The following ARL3 variants were observed in gnomAD, a reference collection of about 807,000 sequenced individuals.
The protein encoded by ARL3 is ARF like GTPase 3, also known as ADP-ribosylation factor-like protein 3.
A neutral mutation model predicts 26.0 loss-of-function variants in ARL3; 9 were observed. The observed-to-expected ratio is 0.35, with a 90% CI of 0.21 to 0.60. The LOEUF (loss-of-function observed/expected upper bound fraction) is 0.60. Ranked by LOEUF, ARL3 falls within the 20% of genes least tolerant of loss-of-function variation. The pLI, the probability that ARL3 is intolerant of heterozygous loss-of-function variation, is 0.78. For missense variants in ARL3, 158 were observed against 215.7 expected, an observed-to-expected ratio of 0.73 and a Z score of 1.67; for synonymous variants, 71 against 78.4, an observed-to-expected ratio of 0.91 and a Z score of 0.50.
chr10:102,687,473 G>A (rs2064193848), intron 4 of ARL3, among the ~76,000 whole-genome samples: 1 of 151,768 alleles, frequency 6.6e-6, no homozygotes, highest in Admixed American at 6.6e-5. Context: ...GGAGGCTGAG[G>A]TGGGCGGAGT....
intron 3 of ARL3, among the ~76,000 whole-genome samples, chr10:102,696,112 C>T (rs567698526): frequency 7.9e-5 from 12 of 151,450 alleles, no homozygotes; most frequent in African/African-American, 2.4e-4. Context: ...TACAGGCGCC[C>T]GCCACCATGC....
chr10:102,688,736 C>CA (rs2064200919), intron 4 of ARL3, among the ~76,000 whole-genome samples: 4 of 152,124 alleles, frequency 2.6e-5, no homozygotes, highest in African/African-American at 9.7e-5. Context: ...CTCCTGACTG[C>CA]AAGTGATCTG....
At chr10:102,712,992 A>T (rs2064353365) in intron 1 of ARL3, among the ~76,000 whole-genome samples, 1 of 151,872 alleles carries the variant, frequency 6.6e-6, no homozygotes, top group African/African-American at 2.4e-5. Flanking sequence ...TGTAAAATCA[A>T]TTGAGTTTTT....
chr10:102,692,930 T>G (rs1052118300), intron 3 of ARL3, among the ~76,000 whole-genome samples: 1 of 151,964 alleles, frequency 6.6e-6, no homozygotes, highest in Non-Finnish European at 1.5e-5. Context: ...TCTCCTGACC[T>G]CGTGATCTGC....
Position 102,676,771 on chromosome 10 carries a change from C to T in ARL3, c.*123G>A. ...GGATTCTTTCTAAACCGTGTTGTTCCCTCTCTTCAAACAGCTGGAGCTGTA... is the reference window on the plus strand; with the variant it reads ...GGATTCTTTCTAAACCGTGTTGTTCTCTCTCTTCAAACAGCTGGAGCTGTA... On this transcript the variant is annotated 3_prime_UTR_variant, in exon 6 of 6. Coordinates refer to ENST00000260746, the MANE Select transcript of ARL3 (RefSeq NM_004311.4). 2.0e-6 allele frequency: 2 copies of T among 978,166 alleles called. No individual in the cohort carries two copies. The highest frequency in any genetic ancestry group is 3.2e-6 in the Non-Finnish European group (2 of 634,270). 60.6% of individuals were successfully genotyped at this position (978,166 alleles called of 1,614,324 possible). A position where few individuals can be genotyped will look rare whatever the true frequency, so the allele number is the denominator to read the frequency against.
Position 102,714,271 on chromosome 10 carries a change from A to G in ARL3, c.3+2T>C, listed in dbSNP as rs1175806511. ...CAAGGGGGCCCAGGCCCCCACACTC[A>G]CCATCCTCCCGCCGAGTCCCTCCTC... On this transcript the variant is annotated splice_donor_variant, in intron 1 of 5. Transcript: ENST00000260746. LOFTEE classifies it high-confidence loss of function. 1 of 1,310,490 alleles carries G rather than the reference A, an allele frequency of 7.6e-7. No individual in the cohort carries two copies. 81.2% of individuals were successfully genotyped at this position (1,310,490 alleles called of 1,614,324 possible).
At chr10:102,682,016 G>A (rs1386667091) in intron 5 of ARL3, among the ~76,000 whole-genome samples, 3 of 151,974 alleles carry the variant, frequency 2.0e-5, no homozygotes, top group African/African-American at 7.3e-5. Context: ...ACCCAAGGAG[G>A]GAAAAAAAAG....
intron 1 of ARL3, among the ~76,000 whole-genome samples, chr10:102,709,813 A>T (rs1446018579): frequency 6.6e-6 from 1 of 152,090 alleles, no homozygotes; most frequent in Non-Finnish European, 1.5e-5. Flanking sequence ...CTGGCGGATC[A>T]TTTGAGGCCA....
At chr10:102,684,149 CTCTT>C (rs1408738963) in intron 5 of ARL3, among the ~76,000 whole-genome samples, 3 of 152,062 alleles carry the variant, frequency 2.0e-5, no homozygotes, top group Admixed American at 6.6e-5. Context: ...AGCTTTCTCT[CTCTT>C]TTTTTCTTTT....
chr10:102,691,228 C>T (rs1019822561), intron 3 of ARL3, among the ~76,000 whole-genome samples: 4 of 151,162 alleles, frequency 2.6e-5, no homozygotes, highest in Admixed American at 6.6e-5. Context: ...CCCACTAACT[C>T]GTCATCTAGC....
intron 5 of ARL3, among the ~76,000 whole-genome samples, chr10:102,680,568 C>T (rs2064151936): frequency 1.3e-5 from 2 of 152,204 alleles, no homozygotes. Context: ...ACTCACTCCT[C>T]CCAAATCTCT....
rs1020002748 is a variant in ARL3, at chr10:102,714,372, A to G, written c.-97T>C. 37 of 1,198,458 alleles carry G rather than the reference A, an allele frequency of 3.1e-5. No individual in the cohort carries two copies. The highest frequency in any genetic ancestry group is 3.7e-5 in the Non-Finnish European group (35 of 937,852). The allele number at this position is 1,198,458 out of a possible 1,614,324, so 74.2% of individuals were successfully genotyped here. ...GCCGCCCCCGACGTCCCTCGCACGCACAGCTGAGGAGCTGAGCAGCAATAC... is the reference window on the plus strand; with the variant it reads ...GCCGCCCCCGACGTCCCTCGCACGCGCAGCTGAGGAGCTGAGCAGCAATAC... On this transcript the variant is annotated 5_prime_UTR_variant, in exon 1 of 6. Transcript: ENST00000260746.
chr10:102,711,056 T>G (rs1260272409), intron 1 of ARL3, among the ~76,000 whole-genome samples: 1 of 152,228 alleles, frequency 6.6e-6, no homozygotes, highest in East Asian at 1.9e-4. Context: ...ACGGTCCCCA[T>G]AACTAGCTTA....
chr10:102,674,873 C>A lies in ARL3; in HGVS notation c.*2021G>T, dbSNP rs12573077. ...AGTGGCTTCTGCCTGCTAGGAGAGG[C>A]CTTGGGATGGCTCTTTAAAACAGTC... On this transcript the variant is annotated 3_prime_UTR_variant, in exon 6 of 6. Transcript: ENST00000260746. The A allele has an allele frequency of 0.32, 48,984 of 151,864 alleles. 8,335 individuals carry two copies. The highest frequency in any genetic ancestry group is 0.39 in the African/African-American group (16,246 of 41,372). The allele number at this position is 151,864 out of a possible 1,614,324, so 9.4% of individuals were successfully genotyped here. A position where few individuals can be genotyped will look rare whatever the true frequency, so the allele number is the denominator to read the frequency against.
chr10:102,711,382 G>GTA (rs2064339287), intron 1 of ARL3, among the ~76,000 whole-genome samples: 1 of 150,446 alleles, frequency 6.6e-6, no homozygotes, highest in Non-Finnish European at 1.5e-5. Context: ...ATATATATAT[G>GTA]TATATATATG....
rs41308675 is a variant in ARL3 at position 102,676,762 on chromosome 10, G to A, written c.*132C>T. On this transcript the variant is annotated 3_prime_UTR_variant, in exon 6 of 6. Coordinates refer to ENST00000260746, the MANE Select transcript of ARL3 (RefSeq NM_004311.4). ...CTGGAATGGGGATTCTTTCTAAACC[G>A]TGTTGTTCCCTCTCTTCAAACAGCT... 0.022 allele frequency: 19,416 copies of A among 867,678 alleles called. 301 individuals carry two copies. The highest frequency in any genetic ancestry group is 0.029 in the Non-Finnish European group (15,777 of 539,372). The allele number at this position is 867,678 out of a possible 1,614,324, so 53.7% of individuals were successfully genotyped here.
intron 5 of ARL3, among the ~76,000 whole-genome samples, chr10:102,679,043 C>T (rs1443860669): frequency 1.3e-5 from 2 of 152,346 alleles, no homozygotes; most frequent in East Asian, 3.9e-4. Context: ...AACAGGGGAC[C>T]GAGCCCTGTG....
chr10:102,688,963 G>A (rs1484917107), intron 4 of ARL3, among the ~76,000 whole-genome samples: 1 of 152,208 alleles, frequency 6.6e-6, no homozygotes, highest in East Asian at 1.9e-4. Flanking sequence ...CTTTGGGCAT[G>A]GTGCTAAGTT....
At chr10:102,697,910 G>T (rs1313082282) in intron 3 of ARL3, among the ~76,000 whole-genome samples, 2 of 152,170 alleles carry the variant, frequency 1.3e-5, no homozygotes, top group Non-Finnish European at 2.9e-5. Context: ...TAGCAATGTG[G>T]AATTATCAGT....
Sources: allele counts gnomAD v4.1 joint callset (sites outside exome capture counted in the v4.1 genomes callset), GRCh38; gene constraint gnomAD v4.1.1; transcripts MANE v1.5; gene names NCBI Gene and HGNC (gene_info 2026-07-23, HGNC 2026-07-21).